Variants in PHLDB2 observed in about 807,000 individuals in gnomAD.
PHLDB2 encodes pleckstrin homology-like domain family B member 2.
In PHLDB2, 71 loss-of-function variants were observed where a neutral mutation model predicts 123.6. That is an observed-to-expected ratio of 0.57 (90% CI 0.47 to 0.70). PHLDB2 has a LOEUF of 0.70. PHLDB2 is among the 30% of genes least tolerant of loss of function. PHLDB2 has a pLI of 0.00. For synonymous variants in PHLDB2, 547 were observed against 541.6 expected, an observed-to-expected ratio of 1.01 and a Z score of -0.14; for missense variants, 1,446 against 1,519.5, an observed-to-expected ratio of 0.95 and a Z score of 0.80.
intron 1 of PHLDB2, among the ~76,000 whole-genome samples, chr3:111,871,146 A>G (rs759235232): frequency 3.2e-4 from 48 of 152,232 alleles, no homozygotes; most frequent in East Asian, 5.8e-4. Context: ...AATTCCTACT[A>G]TATTGATTGG....
rs150788106 is a variant in PHLDB2 at position 111,962,822 on chromosome 3, A to G, written c.3077+510A>G. Among the ~76,000 whole-genome samples the G allele has an allele frequency of 5.1e-3, 772 of 151,930 alleles. 10 individuals are homozygous for G. Among genetic ancestry groups the G allele is most frequent in the African/African-American group, 0.018 (738 of 41,414 alleles). On this transcript the variant is annotated intron_variant, in intron 13 of 17. Coordinates refer to ENST00000431670, the MANE Select transcript of PHLDB2 (RefSeq NM_001134438.2). ...CGCATGCCTGTAATCTCAGCTACTC[A>G]GGAGGCTGAGGCAGGAGAATCCCTT... is the stretch of plus-strand genomic sequence containing the variant.
intron 1 of PHLDB2, among the ~76,000 whole-genome samples, chr3:111,770,791 G>A (rs4682062): frequency 0.84 from 128,038 of 152,202 alleles, 54,774 homozygotes; most frequent in East Asian, 1. Flanking sequence ...AGGATATGCC[G>A]TAAGACTCTT....
In PHLDB2 at chr3:111,974,436, T is replaced by TA. The variant is rs1344357960; in HGVS notation, c.3636dup (p.Leu1213ThrfsTer4). The TA allele has an allele frequency of 1.2e-6, 2 of 1,604,650 alleles. No individual in the cohort carries two copies. The highest frequency in any genetic ancestry group is 1.7e-6 in the Non-Finnish European group (2 of 1,175,948). On this transcript the variant is annotated frameshift_variant, in exon 18 of 18. Transcript: ENST00000431670. LOFTEE classifies it high-confidence loss of function. ...TTTGAATTTTAGAGTCCTAATCCGT[T>TA]ACTCACCTTTAGCGTCAAGACTCAT...
At chr3:111,798,289 G>A (rs1460843377) in intron 1 of PHLDB2, among the ~76,000 whole-genome samples, 1 of 152,034 alleles carries the variant, frequency 6.6e-6, no homozygotes, top group Non-Finnish European at 1.5e-5. Flanking sequence ...ATCTGAGAGT[G>A]CTCTAATTTT....
In PHLDB2 at chr3:111,826,757, G is replaced by A. The variant is rs1376963724; in HGVS notation, c.-48-19064G>A. 2.0e-5 allele frequency among the ~76,000 whole-genome samples: 3 copies of A among 152,254 alleles called. 1 individual carries two copies. Among genetic ancestry groups the A allele is most frequent in the South Asian group, 4.2e-4 (2 of 4,818 alleles). On this transcript the variant is annotated intron_variant, in intron 1 of 17. Transcript: ENST00000393923. ...GGAGGTGTAGTCATGTGGTGGTGGC[G>A]TGGGAGTGGGTGCAGGGAGTGGTTT...
chr3:111,851,956 C>CTT (rs138253324), intron 2 of PHLDB2, among the ~76,000 whole-genome samples: 1 of 149,070 alleles, frequency 6.7e-6, no homozygotes. Flanking sequence ...GCCCCTCAAC[C>CTT]TTTTTTTTTT....
chr3:111,794,649 T>C (rs1433650693), intron 1 of PHLDB2, among the ~76,000 whole-genome samples: 2 of 152,336 alleles, frequency 1.3e-5, no homozygotes, highest in Middle Eastern at 3.4e-3. Flanking sequence ...GTCACAAAAA[T>C]GTATAAGAGT....
At chr3:111,961,822 C>A (rs2071428143) in intron 12 of PHLDB2, 2 of 378,518 alleles carry the variant, frequency 5.3e-6, no homozygotes, top group Non-Finnish European at 9.4e-6. Context: ...TGTTTGGTTT[C>A]TTTTGTGTTT....
At chr3:111,837,192 A>C (rs1362694438) in intron 1 of PHLDB2, among the ~76,000 whole-genome samples, 1 of 152,220 alleles carries the variant, frequency 6.6e-6, no homozygotes, top group Non-Finnish European at 1.5e-5. Flanking sequence ...GTAAGAAATC[A>C]GTGCACATTT....
intron 5 of PHLDB2, among the ~76,000 whole-genome samples, chr3:111,928,526 G>T (rs1430519993): frequency 6.6e-6 from 1 of 152,164 alleles, no homozygotes; most frequent in Non-Finnish European, 1.5e-5. Flanking sequence ...GTTCTAATGG[G>T]TTAACTGGAC....
chr3:111,912,294 T>C (rs1351801640), intron 2 of PHLDB2, among the ~76,000 whole-genome samples: 2 of 152,230 alleles, frequency 1.3e-5, no homozygotes, highest in African/African-American at 2.4e-5. Context: ...AAGTTCAAAA[T>C]CATAGATATC....
chr3:111,922,137 A>G (rs2895387), intron 5 of PHLDB2, among the ~76,000 whole-genome samples: 132,933 of 152,288 alleles, frequency 0.87, 58,179 homozygotes, highest in Middle Eastern at 0.93. Flanking sequence ...TGCTATGTAT[A>G]TCATATTGGA....
intron 1 of PHLDB2, among the ~76,000 whole-genome samples, chr3:111,752,044 C>G (rs571889477): frequency 6.6e-6 from 1 of 152,212 alleles, no homozygotes; most frequent in South Asian, 2.1e-4. Flanking sequence ...GAAAATTGTT[C>G]AAAACTAACT....
chr3:111,946,525 ATT>A (rs1428695599), intron 9 of PHLDB2, among the ~76,000 whole-genome samples: 1 of 152,242 alleles, frequency 6.6e-6, no homozygotes, highest in Non-Finnish European at 1.5e-5. Context: ...CCTCAGAAGC[ATT>A]TTGTGAAATA....
At chr3:111,788,175 A>G (rs541206272) in intron 1 of PHLDB2, among the ~76,000 whole-genome samples, 1 of 152,368 alleles carries the variant, frequency 6.6e-6, no homozygotes, top group East Asian at 1.9e-4. Flanking sequence ...AAGGAAACTC[A>G]GTCACAGAAA....
In PHLDB2 at chr3:111,967,732, G is replaced by A. The variant is rs2071872174; in HGVS notation, c.3223G>A (p.Glu1075Lys). 2 of 1,612,820 alleles carry A rather than the reference G, an allele frequency of 1.2e-6. No homozygotes were observed. Among genetic ancestry groups the A allele is most frequent in the East Asian group, 2.2e-5 (1 of 44,854 alleles). Residue 1075 changes from glutamate (E) to lysine (K), a missense_variant, in exon 15 of 18, where the codon GAA becomes AAA. This residue lies in a region of PHLDB2 where 594 missense variants were observed against 646.0 expected (regional missense o/e 0.92). Coordinates refer to ENST00000431670, the MANE Select transcript of PHLDB2 (RefSeq NM_001134438.2). ...RALEEEKRRREILEKRLQEET... is the reference protein window; with the variant it reads ...RALEEEKRRRKILEKRLQEET... ...CCTGGAAGAAGAAAAACGACGCCGG[G>A]AAATCCTGGAAAAACGATTACAGGA...
At chr3:111,800,157 C>T (rs1401701257) in intron 1 of PHLDB2, among the ~76,000 whole-genome samples, 1 of 152,078 alleles carries the variant, frequency 6.6e-6, no homozygotes, top group South Asian at 2.1e-4. Context: ...AGGCATGCAC[C>T]ACCATGCCCA....
intron 5 of PHLDB2, among the ~76,000 whole-genome samples, chr3:111,921,160 G>GT (rs995407608): frequency 1.3e-5 from 2 of 152,042 alleles, no homozygotes; most frequent in Non-Finnish European, 2.9e-5. Context: ...CTGTTTATGT[G>GT]TTTTTTTCCT....
chr3:111,772,599 T>A (rs1375206551), intron 1 of PHLDB2, among the ~76,000 whole-genome samples: 1 of 152,208 alleles, frequency 6.6e-6, no homozygotes. Context: ...AACATTTTTC[T>A]TGTAGAGGAA....
Sources: gnomAD v4.1 joint callset for allele counts (sites outside exome capture counted in the v4.1 genomes callset) on GRCh38, gnomAD v4.1.1 for gene constraint, gnomAD v4.1.1 regional missense constraint, MANE v1.5 for transcripts, NCBI Gene and HGNC (gene_info 2026-07-23, HGNC 2026-07-21) for gene names.